The following KCNIP4 variants were observed in gnomAD, a reference collection of about 807,000 sequenced individuals.
The protein encoded by KCNIP4 is potassium voltage-gated channel interacting protein 4.
In KCNIP4, 12 loss-of-function variants were observed where a neutral mutation model predicts 34.0. The observed-to-expected ratio is 0.35, with a 90% CI of 0.23 to 0.57. KCNIP4 has a LOEUF of 0.57. Among genes scored for constraint, KCNIP4 ranks in the 20% least tolerant of loss-of-function variants. The pLI is 0.83. For synonymous variants in KCNIP4, 124 were observed against 102.2 expected, an observed-to-expected ratio of 1.21 and a Z score of -1.29; for missense variants, 238 against 311.7, an observed-to-expected ratio of 0.76 and a Z score of 1.78.
At chr4:21,762,625 T>G (rs2109172324) in intron 1 of KCNIP4, among the ~76,000 whole-genome samples, 1 of 152,140 alleles carries the variant, frequency 6.6e-6, no homozygotes, top group East Asian at 1.9e-4. Context: ...TCTGCAAACA[T>G]AAAACAAACC....
At chr4:21,765,819 G>GA (rs374486594) in intron 1 of KCNIP4, among the ~76,000 whole-genome samples, 38,738 of 94,064 alleles carry the variant, frequency 0.41, 9,554 homozygotes, top group Non-Finnish European at 0.57. Context: ...ACCAGGCCGT[G>GA]AAAAAAAAAA....
At chr4:21,536,068 A>G (rs1737140540) in intron 1 of KCNIP4, among the ~76,000 whole-genome samples, 1 of 152,162 alleles carries the variant, frequency 6.6e-6, no homozygotes, top group South Asian at 2.1e-4. Context: ...CTCTCACCCA[A>G]ACAAACTCTC....
chr4:21,634,886 T>A (rs988452948), intron 1 of KCNIP4, among the ~76,000 whole-genome samples: 1 of 152,180 alleles, frequency 6.6e-6, no homozygotes, highest in African/African-American at 2.4e-5. Context: ...ATAATCTCCA[T>A]TTTGAAGCAA....
intron 1 of KCNIP4, among the ~76,000 whole-genome samples, chr4:21,609,304 G>A (rs1243342275): frequency 6.6e-6 from 1 of 152,156 alleles, no homozygotes; most frequent in African/African-American, 2.4e-5. Context: ...CTGATATTAT[G>A]TATTGGTCAA....
At chr4:21,334,447 G>A (rs16870839) in intron 1 of KCNIP4, among the ~76,000 whole-genome samples, 45,956 of 151,754 alleles carry the variant, frequency 0.3, 7,226 homozygotes, top group Middle Eastern at 0.4. Context: ...AGAGTGAATG[G>A]AGTTAAATAA....
chr4:21,882,955 T>A (rs1174166201), intron 1 of KCNIP4, among the ~76,000 whole-genome samples: 1 of 152,166 alleles, frequency 6.6e-6, no homozygotes, highest in African/African-American at 2.4e-5. Flanking sequence ...GATTATTTTT[T>A]TCCCTGAAAT....
intron 1 of KCNIP4, among the ~76,000 whole-genome samples, chr4:21,066,787 T>C (rs1744432421): frequency 6.6e-6 from 1 of 152,080 alleles, no homozygotes; most frequent in African/African-American, 2.4e-5. Flanking sequence ...GACTCTGGGG[T>C]CCTACATCAA....
At chr4:21,721,892 T>C (rs1005914358) in intron 1 of KCNIP4, among the ~76,000 whole-genome samples, 3 of 152,210 alleles carry the variant, frequency 2.0e-5, no homozygotes, top group Admixed American at 6.6e-5. Flanking sequence ...CCAAATTATA[T>C]GCTGTGTTCA....
chr4:20,861,296 G>T (rs1235024391), intron 2 of KCNIP4, among the ~76,000 whole-genome samples: 3 of 152,298 alleles, frequency 2.0e-5, no homozygotes, highest in African/African-American at 2.4e-5. Context: ...GAACTCCTTT[G>T]ACTTTTCCTG....
At chr4:20,943,689 T>G (rs1731894189) in intron 1 of KCNIP4, among the ~76,000 whole-genome samples, 1 of 152,144 alleles carries the variant, frequency 6.6e-6, no homozygotes, top group African/African-American at 2.4e-5. Flanking sequence ...GAACCCCAGG[T>G]GTCTCTAATA....
chr4:21,554,779 T>C (rs1281924091), intron 1 of KCNIP4, among the ~76,000 whole-genome samples: 1 of 152,108 alleles, frequency 6.6e-6, no homozygotes, highest in Non-Finnish European at 1.5e-5. Context: ...ATCATTACCA[T>C]CTGTTTACAA....
chr4:21,538,942 T>C (rs1287720196), intron 1 of KCNIP4, among the ~76,000 whole-genome samples: 2 of 152,160 alleles, frequency 1.3e-5, no homozygotes, highest in African/African-American at 2.4e-5. Context: ...AGAGACCTGG[T>C]GGGAAGTGAC....
intron 1 of KCNIP4, among the ~76,000 whole-genome samples, chr4:21,051,924 T>C (rs1742966520): frequency 6.6e-6 from 1 of 152,148 alleles, no homozygotes; most frequent in Non-Finnish European, 1.5e-5. Context: ...GCAAGGAAAA[T>C]TGACTCTGGC....
intron 1 of KCNIP4, among the ~76,000 whole-genome samples, chr4:21,774,645 T>C (rs572266049): frequency 6.6e-6 from 1 of 152,306 alleles, no homozygotes; most frequent in East Asian, 1.9e-4. Context: ...CTTTTCATTC[T>C]TTTTTCCTCT....
At chr4:21,525,596 C>T (rs1241915540) in intron 1 of KCNIP4, among the ~76,000 whole-genome samples, 10 of 151,726 alleles carry the variant, frequency 6.6e-5, no homozygotes, top group Admixed American at 6.6e-4. Context: ...TCTGTAATGA[C>T]ATTTGTTTTT....
At chr4:21,240,045 T>C (rs1349431618) in intron 1 of KCNIP4, among the ~76,000 whole-genome samples, 3 of 151,840 alleles carry the variant, frequency 2.0e-5, no homozygotes, top group Non-Finnish European at 4.4e-5. Context: ...TATGCAGCCA[T>C]AAAAAATGAT....
intron 1 of KCNIP4, among the ~76,000 whole-genome samples, chr4:21,577,841 T>C (rs1012555622): frequency 2.6e-5 from 4 of 152,144 alleles, no homozygotes; most frequent in African/African-American, 9.7e-5. Context: ...ATTTTCTCTT[T>C]TGCTTGTCTC....
At chr4:21,601,310 T>C (rs1743130950) in intron 1 of KCNIP4, among the ~76,000 whole-genome samples, 2 of 152,054 alleles carry the variant, frequency 1.3e-5, no homozygotes, top group South Asian at 4.1e-4. Context: ...AAAGTGCATT[T>C]ATAACCCAGA....
intron 1 of KCNIP4, among the ~76,000 whole-genome samples, chr4:21,470,335 A>G (rs1730353677): frequency 6.6e-6 from 1 of 152,192 alleles, no homozygotes; most frequent in African/African-American, 2.4e-5. Context: ...GGAGAAAGGG[A>G]AGAAAGGAAA....
Sources: gnomAD v4.1 joint callset for allele counts (sites outside exome capture counted in the v4.1 genomes callset) on GRCh38, gnomAD v4.1.1 for gene constraint, MANE v1.5 for transcripts, NCBI Gene and HGNC (gene_info 2026-07-23, HGNC 2026-07-21) for gene names.